OTUD4: variants seen among roughly 807,000 people sequenced by gnomAD.
OTUD4 encodes the protein OTU domain-containing protein 4.
In OTUD4, 24 loss-of-function variants were observed where a neutral mutation model predicts 130.4. The observed-to-expected ratio is 0.18, with a 90% confidence interval of 0.13 to 0.26. OTUD4 has a LOEUF of 0.26. OTUD4 is among the 10% of genes least tolerant of loss of function. The pLI is 1.00. For missense variants in OTUD4, 1,031 were observed against 1,329.4 expected, an observed-to-expected ratio of 0.78 and a Z score of 3.49; for synonymous variants, 420 against 472.5, an observed-to-expected ratio of 0.89 and a Z score of 1.44.
chr4:145,152,425 A>G, intron 11 of OTUD4, 116 bp downstream of exon 11: 1 of 642,166 alleles, frequency 1.6e-6, no homozygotes, highest in Non-Finnish European at 2.8e-6. Context: ...TATACTTTCT[A>G]TACATGGGCA....
intron 17 of OTUD4, 47 bp from the exon 18 acceptor site, chr4:145,142,381 C>A (rs1456206881): frequency 1.9e-6 from 3 of 1,585,016 alleles, no homozygotes; most frequent in Admixed American, 1.7e-5. Flanking sequence ...GACAAGAGGT[C>A]ATTTTGCTTT....
intron 11 of OTUD4, 141 bp from the exon 12 acceptor site, chr4:145,151,046 T>C: frequency 2.0e-6 from 1 of 505,084 alleles, no homozygotes; most frequent in Non-Finnish European, 3.5e-6. Context: ...AAGGTACAAA[T>C]TGCATTTACC....
chr4:145,160,729 C>T (rs987023063), intron 6 of OTUD4, among the ~76,000 whole-genome samples: 1 of 152,162 alleles, frequency 6.6e-6, no homozygotes, highest in East Asian at 1.9e-4. Flanking sequence ...AGCAGAATCG[C>T]TTGAACCCAG....
At chr4:145,168,735 CA>C (rs1421966708) in intron 3 of OTUD4, among the ~76,000 whole-genome samples, 1 of 152,156 alleles carries the variant, frequency 6.6e-6, no homozygotes, top group African/African-American at 2.4e-5. Context: ...ACAGTCACTT[CA>C]AAAAGTTTGG....
At chr4:145,141,322 T>C in intron 19 of OTUD4, 57 bp downstream of exon 19, 1 of 1,472,500 alleles carries the variant, frequency 6.8e-7, no homozygotes, top group African/African-American at 1.4e-5. Flanking sequence ...TCTTCATTTC[T>C]TAACTAAGCT....
chr4:145,148,237 C>T (rs867680447), intron 13 of OTUD4, among the ~76,000 whole-genome samples: 54 of 152,300 alleles, frequency 3.5e-4, no homozygotes, highest in African/African-American at 1.1e-3. Flanking sequence ...CGGTGGCTCA[C>T]GCCTGTAATC....
Position 145,137,159 on chromosome 4 carries a change from A to T in OTUD4, c.*271T>A, listed in dbSNP as rs566236556. On this transcript the variant is annotated 3_prime_UTR_variant, in exon 21 of 21. Transcript: ENST00000447906. ...TTTTATATTAAGCTGTTTATAAAAA[A>T]TACTTTAACAAACTTATCTTCTACT... is the stretch of plus-strand genomic sequence containing the variant. 6.7e-4 allele frequency: 217 copies of T among 325,622 alleles called. No homozygotes were observed. The highest frequency in any genetic ancestry group is 4.3e-3 in the African/African-American group (203 of 47,184). The allele number at this position is 325,622 out of a possible 1,614,324, so 20.2% of individuals were successfully genotyped here. A position where few individuals can be genotyped will look rare whatever the true frequency, so the allele number is the denominator to read the frequency against.
rs1579232243 is a variant in OTUD4 at position 145,134,025 on chromosome 4, A to C, written c.*3405T>G. On this transcript the variant is annotated 3_prime_UTR_variant, in exon 21 of 21. Transcript: ENST00000447906. The stretch of plus-strand genomic sequence containing the variant: ...CACAATGCAATTTTTAATCCATTCA[A>C]GTAAGTTCAACCCCAAAGTTGCCGC... 1 of 152,644 alleles carries C rather than the reference A, an allele frequency of 6.6e-6. No homozygotes were observed. Among genetic ancestry groups the C allele is most frequent in the East Asian group, 1.9e-4 (1 of 5,202 alleles). The allele number at this position is 152,644 out of a possible 1,614,324, so 9.5% of individuals were successfully genotyped here. A position where few individuals can be genotyped will look rare whatever the true frequency, so the allele number is the denominator to read the frequency against.
Position 145,138,420 on chromosome 4 carries a change from A to C in OTUD4, c.2355T>G (p.Ile785Met). The C allele has an allele frequency of 6.2e-7, 1 of 1,614,228 alleles. No individual in the cohort carries two copies. The highest frequency in any genetic ancestry group is 8.5e-7 in the Non-Finnish European group (1 of 1,180,046). ...SVNGQMPQPEIGPPTFSSPLV... is the reference protein window; with the variant it reads ...SVNGQMPQPEMGPPTFSSPLV... ...GAGGTGAAGAAAATGTCGGCGGTCC[A>C]ATCTCTGGCTGTGGCATTTGACCAT... Residue 785 changes from isoleucine (I) to methionine (M), a missense_variant, in exon 21 of 21, where the codon ATT (isoleucine) becomes ATG (methionine). Around this residue, in one of 3 missense-constraint regions of OTUD4, gnomAD observed 900 missense variants for 1,095.9 expected, o/e 0.82. Transcript: ENST00000447906.
intron 2 of OTUD4, among the ~76,000 whole-genome samples, chr4:145,171,992 T>C (rs1560999804): frequency 1.3e-5 from 2 of 152,234 alleles, no homozygotes; most frequent in African/African-American, 4.8e-5. Flanking sequence ...GGACAGGATC[T>C]GGATGGCAAC....
chr4:145,171,575 C>T, intron 3 of OTUD4, 95 bp downstream of exon 3: 2 of 679,064 alleles, frequency 2.9e-6, no homozygotes, highest in South Asian at 3.6e-5. Flanking sequence ...TGCAACTCCT[C>T]TATACACTGT....
chr4:145,142,455 A>G (rs1750610681), intron 17 of OTUD4, 121 bp from the exon 18 acceptor site: 1 of 761,056 alleles, frequency 1.3e-6, no homozygotes, highest in South Asian at 1.8e-5. Context: ...TGAAGTACAA[A>G]TAGCCCTTAT....
chr4:145,148,783 T>C lies in OTUD4; in HGVS notation c.1259+1730A>G, dbSNP rs546029874. Among the ~76,000 whole-genome samples the C allele has an allele frequency of 6.6e-4, 101 of 152,332 alleles. 6 individuals carry two copies. The South Asian group carries it at 0.021, about 31-fold the overall frequency. Reference sequence around the variant, plus strand: ...AAACAATTACTTTCTGCCTATAACCTTCCTATAGTTACTTTATATTTTTAG... The same window carrying C: ...AAACAATTACTTTCTGCCTATAACCCTCCTATAGTTACTTTATATTTTTAG... On this transcript the variant is annotated intron_variant, in intron 13 of 20. Coordinates refer to ENST00000447906, the MANE Select transcript of OTUD4 (RefSeq NM_001366057.1).
chr4:145,154,886 A>G (rs1751216339), intron 10 of OTUD4, among the ~76,000 whole-genome samples: 1 of 152,204 alleles, frequency 6.6e-6, no homozygotes, highest in African/African-American at 2.4e-5. Context: ...TAGTTTAAGA[A>G]ACACTGATTT....
At chr4:145,164,029 GAATACCATAACCTT>G (rs1751724943) in intron 5 of OTUD4, 111 bp downstream of exon 5, 1 of 560,828 alleles carries the variant, frequency 1.8e-6, no homozygotes, top group Non-Finnish European at 3.2e-6. Flanking sequence ...TAAGAAATCA[GAATACCATAACCTT>G]AATACAGAAA....
Position 145,138,340 on chromosome 4 carries a change from G to T in OTUD4, c.2435C>A (p.Ala812Asp). The T allele has an allele frequency of 3.7e-6, 6 of 1,614,130 alleles. No individual in the cohort carries two copies. Among genetic ancestry groups the T allele is most frequent in the Non-Finnish European group, 4.2e-6 (5 of 1,179,978 alleles). The change falls in exon 21 of 21, where the codon GCT (alanine) becomes GAT (aspartate). Residue 812 changes from alanine to aspartate, a missense_variant. Ala to Asp is a moderately radical substitution (Grantham distance 126). Coordinates refer to ENST00000447906, the MANE Select transcript of OTUD4 (RefSeq NM_001366057.1). ...SESHGQLSYQ[A>D]DLESETPGQL... ...CCCAGGGGTCTCAGATTCAAGATCA[G>T]CCTGGTAAGACAATTGTCCATGACT...
intron 3 of OTUD4, chr4:145,170,979 G>A (rs998277337): frequency 3.9e-5 from 6 of 152,068 alleles, no homozygotes; most frequent in Non-Finnish European, 7.3e-5. Context: ...CCCTCTTCAC[G>A]AGATGATCAT....
rs1159111726 is a variant in OTUD4, at chr4:145,137,885, G to A, written c.2890C>T (p.Pro964Ser). 2 of 1,613,998 alleles carry A rather than the reference G, an allele frequency of 1.2e-6. No individual in the cohort carries two copies. The highest frequency in any genetic ancestry group is 1.7e-6 in the Non-Finnish European group (2 of 1,180,034). Residue 964 changes from proline to serine, a missense_variant, in exon 21 of 21, where the codon CCC becomes TCC. This residue lies in a region of OTUD4 where 900 missense variants were observed against 1,095.9 expected (regional missense o/e 0.82). Transcript: ENST00000447906. Reference sequence around the variant, plus strand: ...CTCTCTCTGTTTAGAATCTGAGTGGGAGGATGAGCCTTTCCCTCTGCTACA... The same window carrying A: ...CTCTCTCTGTTTAGAATCTGAGTGGAAGGATGAGCCTTTCCCTCTGCTACA... Reference protein sequence around the residue: ...PPVAEGKAHPPTQILNRERET... With the variant: ...PPVAEGKAHPSTQILNRERET...
chr4:145,155,527 G>C, intron 9 of OTUD4, 42 bp downstream of exon 9: 1 of 1,594,848 alleles, frequency 6.3e-7, no homozygotes, highest in Non-Finnish European at 8.6e-7. Flanking sequence ...ATTTTCAAGT[G>C]CTACAAAGCA....
Sources: gnomAD v4.1 joint callset for allele counts (sites outside exome capture counted in the v4.1 genomes callset) on GRCh38, gnomAD v4.1.1 for gene constraint, gnomAD v4.1.1 regional missense constraint, MANE v1.5 for transcripts, NCBI Gene and HGNC (gene_info 2026-07-23, HGNC 2026-07-21) for gene names.